The following EIF3L variants were observed in gnomAD, a reference collection of about 807,000 sequenced individuals.
The protein encoded by EIF3L is eIEF associated protein HSPC021.
In EIF3L, 32 loss-of-function variants were observed where a neutral mutation model predicts 74.6. The ratio of observed to expected loss-of-function variants is 0.43; its 90% CI spans 0.32 to 0.58. The LOEUF is 0.58. Ranked by LOEUF, EIF3L falls within the 20% of genes least tolerant of loss-of-function variation. The pLI is 0.06. For synonymous variants in EIF3L, 256 were observed against 254.4 expected, an observed-to-expected ratio of 1.01 and a Z score of -0.06; for missense variants, 474 against 707.8, an observed-to-expected ratio of 0.67 and a Z score of 3.75.
At chr22:37,866,582 G>A (rs1164221364) in intron 7 of EIF3L, among the ~76,000 whole-genome samples, 1 of 152,076 alleles carries the variant, frequency 6.6e-6, no homozygotes, top group Admixed American at 6.6e-5. Flanking sequence ...TCAGGAGTTC[G>A]AGACCAGCCT....
intron 10 of EIF3L, chr22:37,877,042 C>G (rs1401677330): frequency 6.6e-6 from 1 of 152,384 alleles, no homozygotes; most frequent in Non-Finnish European, 1.5e-5. Context: ...AGAAATGCAT[C>G]ATTTGGTGAT....
In EIF3L at chr22:37,863,352, G is replaced by C. The variant is rs754119383; in HGVS notation, c.579+7G>C. On this transcript the variant is annotated splice_region_variant and intron_variant, in intron 7 of 12. Transcript: ENST00000652021. ...CGATGAGTTCATCTACCAGGTATCTGGTCAGCTTCAGCCTAATTTGAAATA... is the reference window on the plus strand; with the variant it reads ...CGATGAGTTCATCTACCAGGTATCTCGTCAGCTTCAGCCTAATTTGAAATA... 1.6e-5 allele frequency: 26 copies of C among 1,608,320 alleles called. No homozygotes were observed. In the South Asian group the frequency reaches 2.1e-4, roughly 13 times the overall value.
chr22:37,858,880 G>A (rs62235089), intron 5 of EIF3L, 140 bp downstream of exon 5: 27,389 of 748,032 alleles, frequency 0.037, 667 homozygotes, highest in Non-Finnish European at 0.048. Context: ...TTTAAGAAGC[G>A]GTGGAAGGAA....
At position 37,862,780 on chromosome 22, in the gene EIF3L, G is replaced by A. The variant is rs956399316; in HGVS notation, c.436-189G>A. Among the ~76,000 whole-genome samples the A allele has an allele frequency of 1.2e-4, 19 of 152,134 alleles. 1 individual carries two copies. The highest frequency in any genetic ancestry group is 4.3e-4 in the African/African-American group (18 of 41,406). Reference sequence around the variant, plus strand: ...CTGTTGCTGTAGAACCTAACCACGTGTTGCAGTATTCAGTGCGTCAGCTGC... The same window carrying A: ...CTGTTGCTGTAGAACCTAACCACGTATTGCAGTATTCAGTGCGTCAGCTGC... On this transcript the variant is annotated intron_variant, in intron 5 of 12. Transcript: ENST00000652021.
intron 7 of EIF3L, among the ~76,000 whole-genome samples, 172 bp downstream of exon 7, chr22:37,863,517 C>T (rs1270178823): frequency 6.6e-6 from 1 of 152,164 alleles, no homozygotes; most frequent in Non-Finnish European, 1.5e-5. Context: ...GCAGGGAAGC[C>T]TAAGCACTCC....
intron 4 of EIF3L, among the ~76,000 whole-genome samples, chr22:37,857,287 G>A (rs1304270549): frequency 3.5e-5 from 5 of 144,790 alleles, no homozygotes; most frequent in African/African-American, 1.3e-4. Flanking sequence ...GGAGAATGGC[G>A]TGAACCCGGG....
intron 10 of EIF3L, 83 bp downstream of exon 10, chr22:37,876,094 C>T (rs1926733626): frequency 1.4e-6 from 2 of 1,454,992 alleles, no homozygotes; most frequent in East Asian, 2.3e-5. Context: ...TTGGTAAACA[C>T]CATCCAAAAT....
chr22:37,866,253 T>C (rs1411160597), intron 7 of EIF3L, among the ~76,000 whole-genome samples: 1 of 152,170 alleles, frequency 6.6e-6, no homozygotes, highest in Admixed American at 6.5e-5. Flanking sequence ...TTAAACCATA[T>C]TTTCATAGAC....
chr22:37,888,121 C>A (rs944312518), intron 12 of EIF3L: 2 of 313,312 alleles, frequency 6.4e-6, no homozygotes, highest in Non-Finnish European at 1.2e-5. Flanking sequence ...TCTCATTCTT[C>A]CCCTAACTGA....
chr22:37,875,982 T>A lies in EIF3L; in HGVS notation c.1048T>A (p.Phe350Ile), dbSNP rs1229418067. The change falls in exon 10 of 13, where the codon TTC becomes ATC. Residue 350 changes from phenylalanine (F) to isoleucine (I), a missense_variant. Physicochemically the swap from Phe to Ile is conservative, Grantham distance 21. Coordinates refer to ENST00000652021, the MANE Select transcript of EIF3L (RefSeq NM_016091.4). The stretch of plus-strand genomic sequence containing the variant: ...CTACATCCAGAGGACCAAGAGCATG[T>A]TCCAGAGGACCACGTACAAGTATGA... Reference protein sequence around the residue: ...LLYIQRTKSMFQRTTYKYEMI... With the variant: ...LLYIQRTKSMIQRTTYKYEMI... The A allele has an allele frequency of 1.9e-6, 3 of 1,614,080 alleles. No homozygotes were observed. The highest frequency in any genetic ancestry group is 2.5e-6 in the Non-Finnish European group (3 of 1,179,978).
chr22:37,878,435 A>C (rs999729397), intron 11 of EIF3L: 8 of 283,326 alleles, frequency 2.8e-5, no homozygotes, highest in African/African-American at 9.0e-5. Context: ...AAAAAAAAAA[A>C]ACACAAGAGA....
chr22:37,852,169 A>G (rs79507804), intron 3 of EIF3L, among the ~76,000 whole-genome samples: 1,534 of 152,034 alleles, frequency 0.01, 31 homozygotes, highest in African/African-American at 0.036. Flanking sequence ...AACAATTATA[A>G]TAATAATGAT....
At position 37,851,367 on chromosome 22, in the gene EIF3L, A is replaced by G. The variant is rs1358554564; in HGVS notation, c.170A>G (p.Gln57Arg). Residue 57 changes from glutamine (Q) to arginine (R), a missense_variant, in exon 3 of 13, where the codon CAG becomes CGG. Around this residue, in one of 4 missense-constraint regions of EIF3L, gnomAD observed 141 missense variants for 197.7 expected, o/e 0.71. Coordinates refer to ENST00000652021, the MANE Select transcript of EIF3L (RefSeq NM_016091.4). ...VIPEVIKNFI[Q>R]YFHKTVSDLI... ...CCTGAGGTGATCAAAAACTTCATCC[A>G]GTATTTCCACAAAACTGTCTCAGAT... 6.2e-7 allele frequency: 1 copy of G among 1,614,036 alleles called. No homozygotes were observed. The highest frequency in any genetic ancestry group is 1.3e-5 in the African/African-American group (1 of 74,936).
chr22:37,875,772 TG>T, intron 9 of EIF3L, 68 bp from the exon 10 acceptor site: 1 of 1,478,940 alleles, frequency 6.8e-7, no homozygotes, highest in Non-Finnish European at 9.2e-7. Context: ...AAACTCTTGG[TG>T]TTTCTACCTC....
In EIF3L at chr22:37,849,635, C is replaced by G. The variant is rs573288087; in HGVS notation, c.33+153C>G. 65 of 840,626 alleles carry G rather than the reference C, an allele frequency of 7.7e-5. No individual in the cohort carries two copies. The African/African-American group carries it at 8.5e-4, about 11-fold the overall frequency. 52.1% of individuals were successfully genotyped at this position (840,626 alleles called of 1,614,324 possible). On this transcript the variant is annotated intron_variant, in intron 1 of 12. Coordinates refer to ENST00000652021, the MANE Select transcript of EIF3L (RefSeq NM_016091.4). ...AGGCTGCTCCCACAGTTCCCGGTCC[C>G]TAGACAACCCTGGCTCTGCCCGCCC...
intron 9 of EIF3L, among the ~76,000 whole-genome samples, chr22:37,875,012 G>C (rs1020400861): frequency 1.3e-5 from 2 of 150,504 alleles, no homozygotes; most frequent in East Asian, 4.0e-4. Flanking sequence ...CAAAATGCTG[G>C]GATTACAGGC....
At chr22:37,877,512 C>T in intron 10 of EIF3L, 162 bp from the exon 11 acceptor site, 1 of 819,638 alleles carries the variant, frequency 1.2e-6, no homozygotes. Context: ...TTAGGTAGAT[C>T]TAGAGGGAGG....
chr22:37,855,737 C>T lies in EIF3L; in HGVS notation c.373+93C>T, dbSNP rs1601754766. 6.3e-5 allele frequency: 71 copies of T among 1,134,748 alleles called. 1 individual carries two copies. In the South Asian group the frequency reaches 9.4e-4, roughly 15 times the overall value. 70.3% of individuals were successfully genotyped at this position (1,134,748 alleles called of 1,614,324 possible). ...CTCAAGAGGGTCTGTGTCTGTTTTG[C>T]TCACCATTTTGTTTCCTTGGTGCTT... is the stretch of plus-strand genomic sequence containing the variant. On this transcript the variant is annotated intron_variant, in intron 4 of 12. Transcript: ENST00000652021.
At chr22:37,871,710 A>T (rs1222234723) in intron 8 of EIF3L, among the ~76,000 whole-genome samples, 1 of 151,938 alleles carries the variant, frequency 6.6e-6, no homozygotes, top group Non-Finnish European at 1.5e-5. Flanking sequence ...TCTACTAAAA[A>T]TACAAAAAAT....
Sources: allele counts gnomAD v4.1 joint callset (sites outside exome capture counted in the v4.1 genomes callset), GRCh38; gene constraint gnomAD v4.1.1; regional missense constraint gnomAD v4.1.1; transcripts MANE v1.5; gene names NCBI Gene and HGNC (gene_info 2026-07-23, HGNC 2026-07-21).